TMTC2: variants seen among roughly 807,000 people sequenced by gnomAD.
The protein encoded by TMTC2 is transmembrane O-mannosyltransferase targeting cadherins 2.
In TMTC2, 43 loss-of-function variants were observed where a neutral mutation model predicts 82.4. The ratio of observed to expected loss-of-function variants is 0.52; its 90% confidence interval spans 0.41 to 0.67. The LOEUF (loss-of-function observed/expected upper bound fraction) is 0.67. TMTC2 is among the 30% of genes least tolerant of loss of function. The probability of loss-of-function intolerance (pLI) is 0.00; values close to 1 mark genes in which losing one functional copy is unlikely to be tolerated. For synonymous variants in TMTC2, 408 were observed against 381.9 expected (o/e 1.07, Z -0.80); for missense variants, 919 against 1,012.4 (o/e 0.91, Z 1.25).
At chr12:82,788,634 C>T (rs1055938652) in intron 1 of TMTC2, among the ~76,000 whole-genome samples, 1 of 152,130 alleles carries the variant, frequency 6.6e-6, no homozygotes, top group Non-Finnish European at 1.5e-5. Context: ...ACCTTTCTCT[C>T]CCTCACAGCC....
Position 83,114,342 on chromosome 12 carries a change from GGAA to G in TMTC2, c.2332-17862_2332-17860del, listed in dbSNP as rs543141542. 5.8e-3 allele frequency among the ~76,000 whole-genome samples: 879 copies of G among 152,158 alleles called. 5 individuals are homozygous for G. Among genetic ancestry groups the G allele is most frequent in the Non-Finnish European group, 8.4e-3 (571 of 68,006 alleles). ...GGAAGGCCATGCGAAAACATAATCAGGAAGAAGATCCTCACCAAGAACCAGGCT... is the reference window on the plus strand; with the variant it reads ...GGAAGGCCATGCGAAAACATAATCAGGAAGATCCTCACCAAGAACCAGGCT... On this transcript the variant is annotated intron_variant, in intron 11 of 11. Transcript: ENST00000321196.
At chr12:83,097,494 T>C (rs929490718) in intron 11 of TMTC2, among the ~76,000 whole-genome samples, 1 of 152,198 alleles carries the variant, frequency 6.6e-6, no homozygotes, top group Non-Finnish European at 1.5e-5. Flanking sequence ...AAACACACCA[T>C]GTATTCTTTC....
intron 1 of TMTC2, among the ~76,000 whole-genome samples, chr12:82,704,174 A>G (rs1873231986): frequency 6.6e-6 from 1 of 152,198 alleles, no homozygotes; most frequent in Admixed American, 6.5e-5. Context: ...AACTTTACAG[A>G]TTTAATTAGA....
intron 4 of TMTC2, among the ~76,000 whole-genome samples, chr12:82,936,922 T>G (rs1876351161): frequency 6.6e-6 from 1 of 152,120 alleles, no homozygotes. Context: ...CATATCAGAG[T>G]AGAAAATATC....
At chr12:83,061,318 G>T (rs1451006916) in intron 10 of TMTC2, among the ~76,000 whole-genome samples, 1 of 151,770 alleles carries the variant, frequency 6.6e-6, no homozygotes, top group African/African-American at 2.4e-5. Flanking sequence ...ATACTGGAAA[G>T]AAAGTGTCTT....
At chr12:83,079,501 A>G (rs1883392542) in intron 11 of TMTC2, among the ~76,000 whole-genome samples, 2 of 152,044 alleles carry the variant, frequency 1.3e-5, no homozygotes, top group Non-Finnish European at 2.9e-5. Context: ...AAATTGTTAA[A>G]CCATTTATTG....
intron 7 of TMTC2, among the ~76,000 whole-genome samples, chr12:82,968,274 A>C (rs2137308836): frequency 6.6e-6 from 1 of 152,248 alleles, no homozygotes; most frequent in South Asian, 2.1e-4. Context: ...TAGCTTCATT[A>C]AATATATTCT....
chr12:82,997,408 A>ATGTGTATATATATATATG (rs1879706139), intron 8 of TMTC2, among the ~76,000 whole-genome samples: 4 of 41,348 alleles, frequency 9.7e-5, no homozygotes, highest in African/African-American at 2.3e-4. Flanking sequence ...GTATATATAT[A>ATGTGTATATATATATATG]TGTGTATATA....
In TMTC2 at chr12:82,688,578, G is replaced by A. The variant is rs369697855; in HGVS notation, c.83+909G>A. Among the ~76,000 whole-genome samples the A allele has an allele frequency of 4.6e-5, 7 of 152,062 alleles. No homozygotes were observed. In the East Asian group the frequency reaches 1.3e-3, roughly 29 times the overall value. ...GGAAAATTCCAATTTGTGTCCTTCC[G>A]GTGTCTTAATCTGATTACAATTAAA... On this transcript the variant is annotated intron_variant, in intron 1 of 11. Transcript: ENST00000321196.
chr12:83,046,597 T>A (rs1225555788), intron 9 of TMTC2, among the ~76,000 whole-genome samples: 1 of 152,186 alleles, frequency 6.6e-6, no homozygotes, highest in Non-Finnish European at 1.5e-5. Context: ...CTCTACCTTG[T>A]AGTATACCTG....
rs1163007150 is a variant in TMTC2 at position 82,867,495 on chromosome 12, T to C, written c.654+9915T>C. Among the ~76,000 whole-genome samples the C allele has an allele frequency of 5.3e-5, 8 of 152,310 alleles. No homozygotes were observed. The East Asian group carries it at 1.2e-3, about 22-fold the overall frequency. ...AAAAAATAAATGACTTAGTTCCTACTTAAGGGAGCACATGGAAAATATATC... is the reference window on the plus strand; with the variant it reads ...AAAAAATAAATGACTTAGTTCCTACCTAAGGGAGCACATGGAAAATATATC... On this transcript the variant is annotated intron_variant, in intron 2 of 11. Transcript: ENST00000321196.
At chr12:82,831,290 C>A (rs369335661) in intron 1 of TMTC2, among the ~76,000 whole-genome samples, 2 of 152,192 alleles carry the variant, frequency 1.3e-5, no homozygotes, top group South Asian at 4.1e-4. Flanking sequence ...TCAGCAGTTT[C>A]TCTCCTATTT....
intron 11 of TMTC2, among the ~76,000 whole-genome samples, chr12:83,106,622 A>T (rs573276479): frequency 2.0e-5 from 3 of 152,310 alleles, no homozygotes; most frequent in Admixed American, 6.5e-5. Context: ...AATACCAAAG[A>T]CAAAGATGAT....
intron 1 of TMTC2, among the ~76,000 whole-genome samples, chr12:82,733,114 T>C (rs1317216583): frequency 1.3e-5 from 2 of 152,254 alleles, no homozygotes; most frequent in Non-Finnish European, 2.9e-5. Context: ...TTCTCCATTA[T>C]GCATACGTAA....
At chr12:82,744,931 A>G (rs1356670799) in intron 1 of TMTC2, among the ~76,000 whole-genome samples, 1 of 152,158 alleles carries the variant, frequency 6.6e-6, no homozygotes, top group Non-Finnish European at 1.5e-5. Context: ...TACTAACTTA[A>G]TTTCTGAAGG....
intron 11 of TMTC2, among the ~76,000 whole-genome samples, chr12:83,079,820 T>A (rs1883404442): frequency 6.6e-6 from 1 of 152,174 alleles, no homozygotes; most frequent in Non-Finnish European, 1.5e-5. Flanking sequence ...TTTATTTGCT[T>A]TCTTAACAGA....
At chr12:83,028,627 CT>C (rs927339202) in intron 8 of TMTC2, among the ~76,000 whole-genome samples, 42 of 148,382 alleles carry the variant, frequency 2.8e-4, no homozygotes, top group Middle Eastern at 3.5e-3. Context: ...TGCCTGTCCT[CT>C]TTTTTTTTTA....
At chr12:82,781,399 CTTTTTTTTTTT>C (rs71068954) in intron 1 of TMTC2, among the ~76,000 whole-genome samples, 17,056 of 121,256 alleles carry the variant, frequency 0.14, 1,114 homozygotes, top group Middle Eastern at 0.25. Flanking sequence ...GGAGTTTGCT[CTTTTTTTTTTT>C]TTTTTTTTTT....
At chr12:83,119,869 A>G (rs936713604) in intron 11 of TMTC2, among the ~76,000 whole-genome samples, 1 of 152,202 alleles carries the variant, frequency 6.6e-6, no homozygotes, top group East Asian at 1.9e-4. Context: ...TCTGTTGGAC[A>G]AGGCTTTTTA....
Sources: gnomAD v4.1 joint callset for allele counts (sites outside exome capture counted in the v4.1 genomes callset) on GRCh38, gnomAD v4.1.1 for gene constraint, MANE v1.5 for transcripts, NCBI Gene and HGNC (gene_info 2026-07-23, HGNC 2026-07-21) for gene names.